Variants in NCAPD3 observed in about 807,000 individuals in gnomAD.
NCAPD3 encodes the protein condensin-2 complex subunit D3.
Under a neutral mutation model 182.9 loss-of-function variants are expected in NCAPD3, and 105 were observed. The observed-to-expected ratio is 0.57, with a 90% CI of 0.49 to 0.68. The LOEUF (loss-of-function observed/expected upper bound fraction) is 0.68. NCAPD3 is among the 30% of genes least tolerant of loss of function. The probability of loss-of-function intolerance (pLI) is 0.00; values close to 1 mark genes in which losing one functional copy is unlikely to be tolerated. For missense variants in NCAPD3, 1,944 were observed against 1,837.0 expected (o/e 1.06, Z -1.07); for synonymous variants, 815 against 679.9 (o/e 1.20, Z -3.09).
At chr11:134,205,081 G>C (rs1453007949) in intron 8 of NCAPD3, 110 bp from the exon 9 acceptor site, 1 of 739,598 alleles carries the variant, frequency 1.4e-6, no homozygotes, top group Middle Eastern at 2.4e-4. Context: ...TCTACCTCAC[G>C]CTATAAGAGT....
At position 134,199,599 on chromosome 11, in the gene NCAPD3, C is replaced by T. The variant is rs139694496; in HGVS notation, c.1615+3217G>A. Among the ~76,000 whole-genome samples, 568 of 152,278 alleles carry T rather than the reference C, an allele frequency of 3.7e-3. 5 individuals carry two copies. The highest frequency in any genetic ancestry group is 0.013 in the African/African-American group (538 of 41,540). ...CAAGAGTAGCTCCCCGTCAGCCACC[C>T]CATCAAAAGGGGACAACAGAGAGTC... is the stretch of plus-strand genomic sequence containing the variant. On this transcript the variant is annotated intron_variant, in intron 13 of 34. Transcript: ENST00000534548.
At chr11:134,186,960 A>T (rs1390875917) in intron 16 of NCAPD3, among the ~76,000 whole-genome samples, 5 of 152,228 alleles carry the variant, frequency 3.3e-5, no homozygotes, top group South Asian at 2.1e-4. Flanking sequence ...AAATTTATTT[A>T]AAAATAACGA....
upstream of NCAPD3, chr11:134,225,359 C>T (rs1166634898): frequency 1.2e-6 from 2 of 1,612,480 alleles, no homozygotes; most frequent in African/African-American, 2.7e-5. Flanking sequence ...AGTCGACCCC[C>T]GGGACCCCCT....
upstream of NCAPD3, chr11:134,224,120 G>A (rs1359761717): frequency 3.0e-6 from 2 of 661,378 alleles, no homozygotes; most frequent in Admixed American, 2.8e-5. Flanking sequence ...TGGGCGGGCC[G>A]AAAAGTGGAA....
At position 134,198,652 on chromosome 11, in the gene NCAPD3, G is replaced by A. The variant is rs143228925; in HGVS notation, c.1616-3914C>T. On this transcript the variant is annotated intron_variant, in intron 13 of 34. Transcript: ENST00000534548. ...AATGAAAGATATCCAGATTGGAGAG[G>A]AAGAAGTAGAACTACCTCTATTTAC... Among the ~76,000 whole-genome samples the A allele has an allele frequency of 5.3e-3, 810 of 152,292 alleles. 3 individuals carry two copies. Among genetic ancestry groups the A allele is most frequent in the Middle Eastern group, 0.017 (5 of 292 alleles).
chr11:134,163,175 C>A (rs922917404), intron 27 of NCAPD3, among the ~76,000 whole-genome samples: 1 of 152,174 alleles, frequency 6.6e-6, no homozygotes, highest in Non-Finnish European at 1.5e-5. Flanking sequence ...CAGAAGATGA[C>A]AGGAAGCCAC....
chr11:134,216,989 C>G lies in NCAPD3; in HGVS notation c.329G>C (p.Arg110Pro). Reference sequence around the variant, plus strand: ...CCCAGCGGCATGAAGGCCATATTCTCGATACTGTACACTGACATTCTTCTT... The same window carrying G: ...CCCAGCGGCATGAAGGCCATATTCTGGATACTGTACACTGACATTCTTCTT... The part of the protein sequence containing the change: ...VHKKNVSVQY[R>P]EYGLHAAGLY... The change falls in exon 3 of 35, where the codon CGA (arginine) becomes CCA (proline). Residue 110 changes from arginine (R) to proline (P), a missense_variant. Arg to Pro is a moderately radical substitution (Grantham distance 103). Coordinates refer to ENST00000534548, the MANE Select transcript of NCAPD3 (RefSeq NM_015261.3). The G allele has an allele frequency of 3.1e-6, 5 of 1,613,794 alleles. No individual in the cohort carries two copies. The highest frequency in any genetic ancestry group is 4.2e-6 in the Non-Finnish European group (5 of 1,179,892).
chr11:134,182,892 A>C (rs1944327413), intron 19 of NCAPD3: 1 of 287,144 alleles, frequency 3.5e-6, no homozygotes, highest in South Asian at 3.0e-5. Context: ...CATTCCAGAC[A>C]ATCTCAGGGC....
Position 134,176,300 on chromosome 11 carries a change from G to A in NCAPD3, c.3101+7C>T. ...GTTGAGTCGTCTGACGTGAGGAAAA[G>A]ATTTACCTGGCAATGTCTGGGTGTG... On this transcript the variant is annotated splice_region_variant and intron_variant, in intron 24 of 34. Transcript: ENST00000534548. 1 of 1,612,188 alleles carries A rather than the reference G, an allele frequency of 6.2e-7. No homozygotes were observed. The highest frequency in any genetic ancestry group is 8.5e-7 in the Non-Finnish European group (1 of 1,178,212).
rs144012713 is a variant in NCAPD3 at position 134,168,958 on chromosome 11, A to G, written c.3198T>C (p.Tyr1066=). The change falls in exon 25 of 35, where the codon TAT becomes TAC. Residue 1066 remains tyrosine (Y), a synonymous_variant. Transcript: ENST00000534548. The part of the protein sequence containing the change: ...FIECIFHFNN[Y]EKHEKYNKFP... ...ACTTGTTGTACTTCTCATGCTTCTC[A>G]TAGTTATTAAAGTGAAAAATACATT... The G allele has an allele frequency of 1.8e-5, 29 of 1,613,890 alleles. No homozygotes were observed. The African/African-American group carries it at 3.6e-4, about 20-fold the overall frequency.
At chr11:134,169,310 G>C (rs955341601) in intron 24 of NCAPD3, among the ~76,000 whole-genome samples, 2 of 152,144 alleles carry the variant, frequency 1.3e-5, no homozygotes, top group African/African-American at 4.8e-5. Context: ...ATTGACACAA[G>C]GTGTTGTCAT....
Position 134,179,181 on chromosome 11 carries a change from G to A in NCAPD3, c.2560-245C>T, listed in dbSNP as rs80247093. Among the ~76,000 whole-genome samples the A allele has an allele frequency of 6.3e-3, 965 of 152,140 alleles. 9 individuals are homozygous for A. Among genetic ancestry groups the A allele is most frequent in the African/African-American group, 0.022 (915 of 41,502 alleles). On this transcript the variant is annotated intron_variant, in intron 20 of 34. Coordinates refer to ENST00000534548, the MANE Select transcript of NCAPD3 (RefSeq NM_015261.3). ...TCTAGACACATCTGCAAGTAAAAGG[G>A]GGTGCTATTAATAATTATTTTGTGA...
intron 7 of NCAPD3, among the ~76,000 whole-genome samples, chr11:134,207,533 G>C (rs901026919): frequency 6.6e-6 from 1 of 152,030 alleles, no homozygotes; most frequent in Admixed American, 6.5e-5. Flanking sequence ...GGATCACGAG[G>C]TCAAGAGATC....
intron 27 of NCAPD3, among the ~76,000 whole-genome samples, chr11:134,166,721 A>C (rs1406425541): frequency 3.3e-5 from 4 of 121,636 alleles, no homozygotes. Context: ...GGAGAGCAGC[A>C]CACTCACTTG....
intron 27 of NCAPD3, among the ~76,000 whole-genome samples, chr11:134,167,179 G>A (rs1287885281): frequency 1.6e-5 from 2 of 122,904 alleles, no homozygotes; most frequent in Non-Finnish European, 1.7e-5. Context: ...TGGGGGAGGC[G>A]CACACTCGTG....
chr11:134,207,940 C>T (rs752240903), intron 7 of NCAPD3, among the ~76,000 whole-genome samples: 13 of 152,122 alleles, frequency 8.5e-5, no homozygotes, highest in Non-Finnish European at 1.8e-4. Context: ...CCGAATGTTT[C>T]TAAACAACAG....
At chr11:134,165,387 G>A (rs1402586689) in intron 27 of NCAPD3, among the ~76,000 whole-genome samples, 3 of 151,272 alleles carry the variant, frequency 2.0e-5, no homozygotes, top group Admixed American at 6.6e-5. Flanking sequence ...TAAGCTTCGG[G>A]GAAGGGGCAC....
rs149387597 is a variant in NCAPD3, at chr11:134,185,427, C to T, written c.2145G>A (p.Ser715=). Residue 715 remains serine, a synonymous_variant, in exon 17 of 35, where the codon TCG becomes TCA. Coordinates refer to ENST00000534548, the MANE Select transcript of NCAPD3 (RefSeq NM_015261.3). Reference sequence around the variant, plus strand: ...TGGAGAGCAGCATCCAGGCAGGTGCCGAATGTTCCGTGCCAGTGTGAGATA... The same window carrying T: ...TGGAGAGCAGCATCCAGGCAGGTGCTGAATGTTCCGTGCCAGTGTGAGATA... ...NVISHTGTEH[S]APAWMLLSKI... The T allele has an allele frequency of 9.3e-6, 15 of 1,613,826 alleles. No homozygotes were observed. The highest frequency in any genetic ancestry group is 1.6e-4 in the Middle Eastern group (1 of 6,082).
chr11:134,206,507 T>C (rs1212248152), intron 8 of NCAPD3, 92 bp downstream of exon 8: 2 of 1,523,612 alleles, frequency 1.3e-6, no homozygotes, highest in Non-Finnish European at 8.9e-7. Context: ...AGGCCAGAAA[T>C]TTTAAGTCTA....
Sources: allele counts gnomAD v4.1 joint callset (sites outside exome capture counted in the v4.1 genomes callset), GRCh38; gene constraint gnomAD v4.1.1; transcripts MANE v1.5; gene names NCBI Gene and HGNC (gene_info 2026-07-23, HGNC 2026-07-21).